The following TNFSF8 variants were observed in gnomAD, a reference collection of about 807,000 sequenced individuals.
The protein encoded by TNFSF8 is tumor necrosis factor ligand superfamily member 8.
A neutral mutation model predicts 22.0 loss-of-function variants in TNFSF8; 4 were observed. That is an observed-to-expected ratio of 0.18 (90% CI 0.09 to 0.42). TNFSF8 has a LOEUF of 0.42. Among genes scored for constraint, TNFSF8 ranks in the 10% least tolerant of loss-of-function variants. The pLI is 1.00. For missense variants in TNFSF8, 233 were observed against 281.8 expected, an observed-to-expected ratio of 0.83 and a Z score of 1.24; for synonymous variants, 106 against 112.5, an observed-to-expected ratio of 0.94 and a Z score of 0.37.
downstream of TNFSF8, among the ~76,000 whole-genome samples, chr9:114,899,484 G>C (rs2131338931): frequency 6.6e-6 from 1 of 152,154 alleles, no homozygotes; most frequent in East Asian, 1.9e-4. Flanking sequence ...GGAGAATTGT[G>C]AGAAGAGCCC....
chr9:114,927,023 A>G (rs1043554399), intron 1 of TNFSF8, among the ~76,000 whole-genome samples: 7 of 137,068 alleles, frequency 5.1e-5, no homozygotes, highest in Admixed American at 2.1e-4. Flanking sequence ...ATATATTTAT[A>G]ACATAAAATG....
chr9:114,918,280 C>G, intron 1 of TNFSF8, 142 bp from the exon 2 acceptor site: 1 of 643,006 alleles, frequency 1.6e-6, no homozygotes, highest in Non-Finnish European at 2.5e-6. Flanking sequence ...AATTAATTCA[C>G]TGATGTAGTT....
chr9:114,905,609 G>A (rs1272613115), intron 3 of TNFSF8, among the ~76,000 whole-genome samples: 1 of 152,196 alleles, frequency 6.6e-6, no homozygotes, highest in Non-Finnish European at 1.5e-5. Context: ...GAGTGAATGG[G>A]ACTGAGGAAA....
downstream of TNFSF8, among the ~76,000 whole-genome samples, chr9:114,899,493 C>T (rs370755310): frequency 7.5e-4 from 114 of 151,972 alleles, 2 homozygotes; most frequent in South Asian, 6.0e-3. Context: ...TGAGAAGAGC[C>T]CATGAGGAAT....
Position 114,903,685 on chromosome 9 carries a change from T to G in TNFSF8, c.*246A>C. On this transcript the variant is annotated 3_prime_UTR_variant, in exon 4 of 4. Transcript: ENST00000223795. ...TGGGACATCCATTCATCCCTTCTGA[T>G]TCTGTGTGGGGCTCTGCCCACCACA... 8.3e-7 allele frequency: 1 copy of G among 1,198,078 alleles called. No homozygotes were observed. The highest frequency in any genetic ancestry group is 1.0e-6 in the Non-Finnish European group (1 of 964,696). The allele number at this position is 1,198,078 out of a possible 1,614,324, so 74.2% of individuals were successfully genotyped here. A position where few individuals can be genotyped will look rare whatever the true frequency, so the allele number is the denominator to read the frequency against.
At position 114,902,744 on chromosome 9, in the gene TNFSF8, G is replaced by C. The variant is rs1181001802; in HGVS notation, c.*1187C>G. The C allele has an allele frequency of 6.1e-6, 6 of 985,294 alleles. No individual in the cohort carries two copies. The highest frequency in any genetic ancestry group is 7.2e-6 in the Non-Finnish European group (6 of 829,940). 61.0% of individuals were successfully genotyped at this position (985,294 alleles called of 1,614,324 possible). A position where few individuals can be genotyped will look rare whatever the true frequency, so the allele number is the denominator to read the frequency against. On this transcript the variant is annotated 3_prime_UTR_variant, in exon 4 of 4. Coordinates refer to ENST00000223795, the MANE Select transcript of TNFSF8 (RefSeq NM_001244.4). ...TGTGTCTGGAATCTCAGTTCCCAGGGTCTGGTCTTCTGAGATGGAAGAGGT... is the reference window on the plus strand; with the variant it reads ...TGTGTCTGGAATCTCAGTTCCCAGGCTCTGGTCTTCTGAGATGGAAGAGGT...
intron 2 of TNFSF8, among the ~76,000 whole-genome samples, chr9:114,907,038 GAGTAGT>G (rs1827794165): frequency 6.6e-6 from 1 of 152,192 alleles, no homozygotes; most frequent in Non-Finnish European, 1.5e-5. Context: ...CTGCATTGCC[GAGTAGT>G]ACCTGCTGGG....
At position 114,930,089 on chromosome 9, in the gene TNFSF8, A is replaced by G; in HGVS notation, c.195+20T>C. 2 of 1,439,308 alleles carry G rather than the reference A, an allele frequency of 1.4e-6. No individual in the cohort carries two copies. Among genetic ancestry groups the G allele is most frequent in the South Asian group, 1.5e-5 (1 of 67,220 alleles). 89.2% of individuals were successfully genotyped at this position (1,439,308 alleles called of 1,614,324 possible). A position where few individuals can be genotyped will look rare whatever the true frequency, so the allele number is the denominator to read the frequency against. On this transcript the variant is annotated intron_variant, in intron 1 of 3. Coordinates refer to ENST00000223795, the MANE Select transcript of TNFSF8 (RefSeq NM_001244.4). ...GGAAAACAACAAGAAAAGGAAAGGG[A>G]GGAAGAGGAGTCCACTTACCGTCCT...
At chr9:114,915,954 C>G (rs1827913276) in intron 2 of TNFSF8, among the ~76,000 whole-genome samples, 1 of 152,150 alleles carries the variant, frequency 6.6e-6, no homozygotes, top group Non-Finnish European at 1.5e-5. Flanking sequence ...TATTCCCATT[C>G]ATGGTCCAGA....
intron 2 of TNFSF8, among the ~76,000 whole-genome samples, chr9:114,913,938 C>T (rs551324693): frequency 6.6e-6 from 1 of 152,326 alleles, no homozygotes; most frequent in East Asian, 1.9e-4. Context: ...AGAACACTGA[C>T]TACAGAATTC....
chr9:114,897,276 C>A (rs201221095), downstream of TNFSF8, among the ~76,000 whole-genome samples: 1 of 112,512 alleles, frequency 8.9e-6, no homozygotes, highest in East Asian at 2.3e-4. Context: ...TTTTTTTTTT[C>A]TTTTGTTTTG....
chr9:114,903,890 G>T lies in TNFSF8; in HGVS notation c.*41C>A, dbSNP rs762226486. On this transcript the variant is annotated 3_prime_UTR_variant, in exon 4 of 4. Coordinates refer to ENST00000223795, the MANE Select transcript of TNFSF8 (RefSeq NM_001244.4). ...TGTTTGGAGGGATGAAATACTGTAT[G>T]GTAGAGAGGCGCTTTCTTCCTGAAG... 3 of 1,565,358 alleles carry T rather than the reference G, an allele frequency of 1.9e-6. No homozygotes were observed. Among genetic ancestry groups the T allele is most frequent in the South Asian group, 1.2e-5 (1 of 81,074 alleles).
chr9:114,905,360 T>C (rs1350465275), intron 3 of TNFSF8, among the ~76,000 whole-genome samples: 1 of 152,258 alleles, frequency 6.6e-6, no homozygotes, highest in Non-Finnish European at 1.5e-5. Context: ...GGCCCTGTGC[T>C]GACATGTTCA....
intron 1 of TNFSF8, among the ~76,000 whole-genome samples, chr9:114,921,825 C>A (rs534433865): frequency 1.3e-5 from 2 of 152,210 alleles, no homozygotes; most frequent in Non-Finnish European, 2.9e-5. Flanking sequence ...GCTCAGGAAA[C>A]TTTGTCTCCG....
chr9:114,927,122 T>C (rs991403569), intron 1 of TNFSF8, among the ~76,000 whole-genome samples: 51 of 138,464 alleles, frequency 3.7e-4, no homozygotes, highest in African/African-American at 1.2e-3. Context: ...TAAAGTAATA[T>C]TATTATATAA....
chr9:114,907,310 T>C (rs1479147476), intron 2 of TNFSF8, among the ~76,000 whole-genome samples: 1 of 152,134 alleles, frequency 6.6e-6, no homozygotes, highest in African/African-American at 2.4e-5. Context: ...GTCATCCCCT[T>C]GGTTTCATCC....
At chr9:114,922,330 T>C (rs1827998696) in intron 1 of TNFSF8, among the ~76,000 whole-genome samples, 1 of 152,206 alleles carries the variant, frequency 6.6e-6, no homozygotes, top group African/African-American at 2.4e-5. Flanking sequence ...TCCACATTCC[T>C]TTCCTTGTTG....
intron 1 of TNFSF8, among the ~76,000 whole-genome samples, chr9:114,928,213 A>G (rs1206300591): frequency 3.3e-5 from 5 of 152,186 alleles, no homozygotes; most frequent in Admixed American, 3.3e-4. Context: ...TGGATGCACA[A>G]GAAGATAAAG....
downstream of TNFSF8, chr9:114,901,049 G>A (rs908685318): frequency 2.2e-5 from 22 of 985,210 alleles, no homozygotes; most frequent in African/African-American, 3.7e-4. Flanking sequence ...GTGTGTGTGT[G>A]TGTGTGGTGG....
Sources: gnomAD v4.1 joint callset for allele counts (sites outside exome capture counted in the v4.1 genomes callset) on GRCh38, gnomAD v4.1.1 for gene constraint, MANE v1.5 for transcripts, NCBI Gene and HGNC (gene_info 2026-07-23, HGNC 2026-07-21) for gene names.